The following SATB2 variants were observed in gnomAD, a reference collection of about 807,000 sequenced individuals.
SATB2 encodes SATB homeobox 2, also known as DNA-binding protein SATB2.
In SATB2, 1 loss-of-function variant was observed where a neutral mutation model predicts 73.4. The ratio of observed to expected loss-of-function variants is 0.01; its 90% confidence interval spans 0.00 to 0.06. SATB2 has a LOEUF of 0.06. SATB2 is among the 10% of genes least tolerant of loss of function. The probability of loss-of-function intolerance (pLI) is 1.00; values close to 1 mark genes in which losing one functional copy is unlikely to be tolerated. For missense variants in SATB2, 459 were observed against 945.8 expected (o/e 0.49, Z 6.75); for synonymous variants, 397 against 367.0 (o/e 1.08, Z -0.93).
rs1297878982 is a variant in SATB2 at position 199,338,518 on chromosome 2, AACTT to A, written c.1174-9612_1174-9609del. ...AGAGAATGGTGAAACAAGCTTATAAAACTTACCAAAAGTGAGTTTTCTTTAGTAA... is the reference window on the plus strand; with the variant it reads ...AGAGAATGGTGAAACAAGCTTATAAAACCAAAAGTGAGTTTTCTTTAGTAA... On this transcript the variant is annotated intron_variant, in intron 7 of 10. Coordinates refer to ENST00000417098, the MANE Select transcript of SATB2 (RefSeq NM_001172509.2). Among the ~76,000 whole-genome samples the A allele has an allele frequency of 2.0e-5, 3 of 152,324 alleles. No individual in the cohort carries two copies. In the East Asian group the frequency reaches 5.8e-4, roughly 29 times the overall value.
chr2:199,351,019 ACT>A (rs1209429753), intron 6 of SATB2, among the ~76,000 whole-genome samples: 5 of 133,238 alleles, frequency 3.8e-5, no homozygotes, highest in African/African-American at 5.9e-5. Flanking sequence ...GACGAGCGAG[ACT>A]CTGTCTCCAA....
At chr2:199,456,231 G>A (rs905821063) in intron 1 of SATB2, 135 bp from the exon 2 acceptor site, 1 of 667,148 alleles carries the variant, frequency 1.5e-6, no homozygotes, top group Non-Finnish European at 2.6e-6. Flanking sequence ...CTGCCCGAGG[G>A]GCCCGAGCCG....
intron 3 of SATB2, among the ~76,000 whole-genome samples, chr2:199,425,498 T>G (rs1005548092): frequency 1.3e-4 from 20 of 152,198 alleles, no homozygotes; most frequent in Non-Finnish European, 2.6e-4. Context: ...TTAGTGGGCA[T>G]TCAAGTAGAA....
rs879476952 is a variant in SATB2, at chr2:199,463,677, G to A, written c.-141+1159C>T. 6.6e-6 allele frequency among the ~76,000 whole-genome samples: 1 copy of A among 152,204 alleles called. No individual in the cohort carries two copies. Among genetic ancestry groups the A allele is most frequent in the Non-Finnish European group, 1.5e-5 (1 of 68,020 alleles). The stretch of plus-strand genomic sequence containing the variant: ...TCCACGGGTTAAGGATGTGGCGGGG[G>A]ATGGGCAGGTCCCTGGCCCAGGGTA... On this transcript the variant is annotated intron_variant, in intron 1 of 11. Coordinates refer to the SATB2 transcript ENST00000260926. The surrounding 1 kb of genome is among the most constrained non-coding windows in gnomAD (Gnocchi z 6.4).
At chr2:199,468,531 A>G (rs1692637291), upstream of SATB2, among the ~76,000 whole-genome samples, 1 of 152,192 alleles carries the variant, frequency 6.6e-6, no homozygotes, top group Non-Finnish European at 1.5e-5. Flanking sequence ...GTATTTGTGC[A>G]TCAGGAGTGG....
rs2105956676 is a variant in SATB2 at position 199,455,581 on chromosome 2, G to C, written c.169+288C>G. On this transcript the variant is annotated intron_variant, in intron 2 of 10. Transcript: ENST00000417098. This position sits in a 1 kb window ranked among gnomAD's most constrained non-coding sequence, Gnocchi z 4.1. Reference sequence around the variant, plus strand: ...AGTTAAATCACTAAAAAGCTCTCTAGGAAAATCTAGAAACAGTTAGCTGGC... The same window carrying C: ...AGTTAAATCACTAAAAAGCTCTCTACGAAAATCTAGAAACAGTTAGCTGGC... 6.6e-6 allele frequency among the ~76,000 whole-genome samples: 1 copy of C among 152,310 alleles called. No homozygotes were observed. The highest frequency in any genetic ancestry group is 2.1e-4 in the South Asian group (1 of 4,832).
Position 199,456,056 on chromosome 2 carries a change from CAA to C in SATB2, c.-21_-20del, listed in dbSNP as rs1692263938. On this transcript the variant is annotated 5_prime_UTR_variant, in exon 2 of 11. Transcript: ENST00000417098. ...GCTCCATGCTGCTCCGACTCGGAGACAAAGTTCCCACCGGCAGGTCGCAATAA... is the reference window on the plus strand; with the variant it reads ...GCTCCATGCTGCTCCGACTCGGAGACAGTTCCCACCGGCAGGTCGCAATAA... The C allele has an allele frequency of 7.8e-7, 1 of 1,277,350 alleles. No homozygotes were observed. Among genetic ancestry groups the C allele is most frequent in the Admixed American group, 2.6e-5 (1 of 38,648 alleles). The allele number at this position is 1,277,350 out of a possible 1,614,324, so 79.1% of individuals were successfully genotyped here. A position where few individuals can be genotyped will look rare whatever the true frequency, so the allele number is the denominator to read the frequency against.
intron 2 of SATB2, among the ~76,000 whole-genome samples, chr2:199,453,131 G>A (rs1325564110): frequency 1.3e-5 from 2 of 151,976 alleles, no homozygotes; most frequent in African/African-American, 2.4e-5. Context: ...AGTAACAGCA[G>A]AATTTATTAC....
chr2:199,298,043 G>A (rs7605371), intron 10 of SATB2, among the ~76,000 whole-genome samples: 87,514 of 151,972 alleles, frequency 0.58, 27,729 homozygotes, highest in Non-Finnish European at 0.71. Context: ...GCATGCTCCC[G>A]TTATCTTGCT....
intron 3 of SATB2, among the ~76,000 whole-genome samples, chr2:199,427,379 T>G (rs181734373): frequency 2.6e-5 from 4 of 152,240 alleles, no homozygotes; most frequent in Non-Finnish European, 2.9e-5. Context: ...TTTATAGATT[T>G]GTATGGCTCC....
intron 10 of SATB2, among the ~76,000 whole-genome samples, chr2:199,288,707 A>G (rs1321065830): frequency 6.6e-6 from 1 of 152,246 alleles, no homozygotes; most frequent in East Asian, 1.9e-4. Context: ...AAAAGTACAA[A>G]TATTCCTTTT....
At chr2:199,329,523 A>G (rs189642230) in intron 7 of SATB2, among the ~76,000 whole-genome samples, 172 of 151,892 alleles carry the variant, frequency 1.1e-3, no homozygotes, top group Middle Eastern at 0.01. Flanking sequence ...ATCCTTACAT[A>G]TGTACAAAGG....
intron 10 of SATB2, among the ~76,000 whole-genome samples, chr2:199,305,651 C>T (rs1687411775): frequency 6.6e-6 from 1 of 152,058 alleles, no homozygotes; most frequent in South Asian, 2.1e-4. Context: ...GCTGTGACTC[C>T]AAGGGACTTC....
intron 7 of SATB2, among the ~76,000 whole-genome samples, chr2:199,331,683 A>AT (rs1169585958): frequency 2.6e-5 from 4 of 151,998 alleles, no homozygotes; most frequent in African/African-American, 7.3e-5. Flanking sequence ...TTAAATTGGG[A>AT]TTTTTTAAAA....
chr2:199,387,435 A>T (rs186518038), intron 3 of SATB2, among the ~76,000 whole-genome samples: 42 of 152,360 alleles, frequency 2.8e-4, no homozygotes, highest in Non-Finnish European at 4.6e-4. Context: ...AAGTCTGAAG[A>T]GCCAGTTAAA....
upstream of SATB2, among the ~76,000 whole-genome samples, chr2:199,458,993 G>A (rs1004132344): frequency 1.3e-5 from 2 of 152,116 alleles, no homozygotes; most frequent in Non-Finnish European, 2.9e-5. Context: ...GGGTGGCACA[G>A]GAATGGGGGT....
intron 7 of SATB2, among the ~76,000 whole-genome samples, chr2:199,343,745 C>T (rs537631440): frequency 7.9e-5 from 12 of 152,266 alleles, no homozygotes; most frequent in South Asian, 2.1e-4. Flanking sequence ...TACATTCCTA[C>T]GCAGTTTCCA....
chr2:199,301,476 T>C (rs1001886662), intron 10 of SATB2, among the ~76,000 whole-genome samples: 1 of 152,154 alleles, frequency 6.6e-6, no homozygotes, highest in African/African-American at 2.4e-5. Flanking sequence ...TATTTCCCAA[T>C]CTTCTTGAGG....
At chr2:199,353,526 C>T (rs1003886558) in intron 6 of SATB2, among the ~76,000 whole-genome samples, 14 of 152,032 alleles carry the variant, frequency 9.2e-5, no homozygotes, top group South Asian at 2.1e-4. Context: ...ATCAGAATAA[C>T]GTTTTTAGCC....
Sources: gnomAD v4.1 joint callset for allele counts (sites outside exome capture counted in the v4.1 genomes callset) on GRCh38, gnomAD v4.1.1 for gene constraint, Gnocchi (gnomAD v3.1) non-coding constraint, MANE v1.5 for transcripts, NCBI Gene and HGNC (gene_info 2026-07-23, HGNC 2026-07-21) for gene names.